The following RABGAP1L variants were observed in gnomAD, a reference collection of about 807,000 sequenced individuals.
The protein encoded by RABGAP1L is rab GTPase-activating protein 1-like.
A neutral mutation model predicts 137.7 loss-of-function variants in RABGAP1L; 63 were observed. The ratio of observed to expected loss-of-function variants is 0.46; its 90% CI spans 0.37 to 0.56. The LOEUF is 0.56. RABGAP1L is among the 20% of genes least tolerant of loss of function. The pLI is 0.00. For missense variants in RABGAP1L, 1,095 were observed against 1,244.0 expected, an observed-to-expected ratio of 0.88 and a Z score of 1.80; for synonymous variants, 431 against 433.7, an observed-to-expected ratio of 0.99 and a Z score of 0.08.
intron 18 of RABGAP1L, among the ~76,000 whole-genome samples, chr1:174,788,579 C>T (rs1687629925): frequency 6.6e-6 from 1 of 152,208 alleles, no homozygotes; most frequent in African/African-American, 2.4e-5. Context: ...CTGTCCTGCC[C>T]TCTGCTATTA....
chr1:174,824,187 G>A (rs1289904250), intron 19 of RABGAP1L, among the ~76,000 whole-genome samples: 1 of 152,158 alleles, frequency 6.6e-6, no homozygotes, highest in African/African-American at 2.4e-5. Flanking sequence ...CTACTAGGGA[G>A]GCTGGGGCAA....
chr1:174,262,802 A>G (rs1241354855), intron 7 of RABGAP1L, among the ~76,000 whole-genome samples: 1 of 152,240 alleles, frequency 6.6e-6, no homozygotes, highest in Non-Finnish European at 1.5e-5. Context: ...CTCTTAGCTG[A>G]TCTGCATTAA....
At chr1:174,215,464 A>T (rs1381280307) in intron 1 of RABGAP1L, among the ~76,000 whole-genome samples, 1 of 151,176 alleles carries the variant, frequency 6.6e-6, no homozygotes, top group East Asian at 1.9e-4. Flanking sequence ...TCTCAAAAAA[A>T]AAAAATAATA....
intron 13 of RABGAP1L, among the ~76,000 whole-genome samples, chr1:174,602,077 G>C (rs1362632422): frequency 6.6e-6 from 1 of 152,110 alleles, no homozygotes; most frequent in Non-Finnish European, 1.5e-5. Flanking sequence ...CCACCAAACT[G>C]TTCCAACCTC....
intron 15 of RABGAP1L, 38 bp from the exon 16 acceptor site, chr1:174,699,487 C>G (rs1374016814): frequency 6.4e-7 from 1 of 1,563,168 alleles, no homozygotes; most frequent in African/African-American, 1.4e-5. Context: ...GGCAAAATGC[C>G]ACTTATTTAT....
At chr1:174,392,027 A>T (rs1032817272) in intron 12 of RABGAP1L, among the ~76,000 whole-genome samples, 1 of 152,190 alleles carries the variant, frequency 6.6e-6, no homozygotes, top group African/African-American at 2.4e-5. Flanking sequence ...TAGTTTATTC[A>T]GGTGGAAGTC....
At chr1:174,655,150 G>A (rs570655324) in intron 14 of RABGAP1L, among the ~76,000 whole-genome samples, 12 of 152,160 alleles carry the variant, frequency 7.9e-5, no homozygotes, top group African/African-American at 2.7e-4. Context: ...ATAAACAAGG[G>A]TATTCTTCTA....
intron 13 of RABGAP1L, among the ~76,000 whole-genome samples, chr1:174,421,720 T>G (rs1651314265): frequency 6.6e-6 from 1 of 152,228 alleles, no homozygotes; most frequent in Non-Finnish European, 1.5e-5. Flanking sequence ...CCCTCTGGTC[T>G]TCATACTGCC....
intron 1 of RABGAP1L, among the ~76,000 whole-genome samples, chr1:174,201,692 G>A (rs1668116125): frequency 6.7e-6 from 1 of 148,844 alleles, no homozygotes; most frequent in Admixed American, 6.7e-5. Context: ...GGGTACATGT[G>A]CACAACGTGC....
At chr1:174,646,803 G>A (rs1439830831) in intron 14 of RABGAP1L, among the ~76,000 whole-genome samples, 2 of 152,258 alleles carry the variant, frequency 1.3e-5, no homozygotes, top group African/African-American at 2.4e-5. Flanking sequence ...GCTTTGGGCA[G>A]TATGACCATT....
At chr1:174,883,102 G>A (rs1173132576) in intron 19 of RABGAP1L, among the ~76,000 whole-genome samples, 3 of 152,160 alleles carry the variant, frequency 2.0e-5, no homozygotes, top group Non-Finnish European at 4.4e-5. Flanking sequence ...GGGATTACAG[G>A]TGTGAGCCAC....
At chr1:174,693,558 TCTA>T (rs1679025713) in intron 15 of RABGAP1L, among the ~76,000 whole-genome samples, 1 of 152,244 alleles carries the variant, frequency 6.6e-6, no homozygotes. Flanking sequence ...ATGCTGCAGC[TCTA>T]CTGTTATGCA....
At chr1:174,159,691 G>T (rs1664248099) in intron 1 of RABGAP1L, 34 bp downstream of exon 1, 1 of 152,386 alleles carries the variant, frequency 6.6e-6, no homozygotes, top group Non-Finnish European at 1.5e-5. Context: ...GGACACGAGG[G>T]CGGCCCGGCG....
intron 1 of RABGAP1L, chr1:174,159,880 T>C (rs932471191): frequency 6.6e-6 from 1 of 152,164 alleles, no homozygotes; most frequent in African/African-American, 2.4e-5. Flanking sequence ...AGGTGGCCGC[T>C]CCTCGCGGAT....
intron 13 of RABGAP1L, among the ~76,000 whole-genome samples, chr1:174,456,476 GTCA>G (rs756616931): frequency 2.0e-5 from 3 of 151,956 alleles, no homozygotes; most frequent in Non-Finnish European, 2.9e-5. Context: ...ATGTTGTTGA[GTCA>G]TCATCGGTTG....
intron 11 of RABGAP1L, among the ~76,000 whole-genome samples, chr1:174,349,661 G>T (rs7523361): frequency 2.0e-5 from 2 of 100,492 alleles, no homozygotes; most frequent in African/African-American, 3.9e-5. Flanking sequence ...CCTCCCGGAC[G>T]AGGCGGCTGG....
intron 13 of RABGAP1L, among the ~76,000 whole-genome samples, chr1:174,558,283 C>G (rs1195922336): frequency 2.0e-5 from 3 of 152,190 alleles, no homozygotes; most frequent in African/African-American, 7.2e-5. Context: ...CAACTTGGTG[C>G]TTTCTGTAAA....
intron 22 of RABGAP1L, among the ~76,000 whole-genome samples, chr1:174,978,163 C>T (rs1670810501): frequency 6.6e-6 from 1 of 152,146 alleles, no homozygotes. Context: ...TCTAGAGCTG[C>T]TGGGCCACAA....
At chr1:174,624,304 T>C (rs528006455) in intron 13 of RABGAP1L, among the ~76,000 whole-genome samples, 1 of 152,352 alleles carries the variant, frequency 6.6e-6, no homozygotes, top group South Asian at 2.1e-4. Context: ...TCTCCACTGA[T>C]TTCCCATAGC....
Sources: allele counts gnomAD v4.1 joint callset (sites outside exome capture counted in the v4.1 genomes callset), GRCh38; gene constraint gnomAD v4.1.1; transcripts MANE v1.5; gene names NCBI Gene and HGNC (gene_info 2026-07-23, HGNC 2026-07-21).